RGS6: variants seen among roughly 807,000 people sequenced by gnomAD.
The protein encoded by RGS6 is regulator of G-protein signaling 6.
A neutral mutation model predicts 78.5 loss-of-function variants in RGS6; 30 were observed. That is an observed-to-expected ratio of 0.38 (90% CI 0.29 to 0.52). RGS6 has a LOEUF of 0.52. Among genes scored for constraint, RGS6 ranks in the 20% least tolerant of loss-of-function variants. The probability of loss-of-function intolerance (pLI) is 0.85; values close to 1 mark genes in which losing one functional copy is unlikely to be tolerated. For missense variants in RGS6, 495 were observed against 609.7 expected (o/e 0.81, Z 1.98); for synonymous variants, 206 against 206.0 (o/e 1.00, Z 0.00).
At chr14:72,147,936 C>T (rs2096628697) in intron 2 of RGS6, among the ~76,000 whole-genome samples, 1 of 152,040 alleles carries the variant, frequency 6.6e-6, no homozygotes, top group South Asian at 2.1e-4. Context: ...TTGAGACCAT[C>T]CTGGCTAACA....
intron 3 of RGS6, among the ~76,000 whole-genome samples, chr14:72,419,414 G>T (rs1489705426): frequency 6.6e-6 from 1 of 152,224 alleles, no homozygotes; most frequent in Non-Finnish European, 1.5e-5. Context: ...GCAGAGCCAG[G>T]CTTTGAACTC....
At chr14:71,902,261 G>A in the RGS6 span, among the ~76,000 whole-genome samples, 1 of 151,986 alleles carries the variant, frequency 6.6e-6, no homozygotes, top group Non-Finnish European at 1.5e-5. Flanking sequence ...TGATAATCTG[G>A]GAAAACATGA....
intron 2 of RGS6, among the ~76,000 whole-genome samples, chr14:72,336,386 A>G (rs2076030991): frequency 6.6e-6 from 1 of 152,198 alleles, no homozygotes; most frequent in South Asian, 2.1e-4. Context: ...GGCTTTCAGA[A>G]AGCTAAGCTT....
chr14:72,573,591 G>C, the RGS6 span, among the ~76,000 whole-genome samples: 97 of 152,294 alleles, frequency 6.4e-4, 2 homozygotes, highest in South Asian at 0.02. Context: ...TGGGAAGGGG[G>C]TCAAATTGAA....
At chr14:72,490,478 G>T (rs984552112) in intron 12 of RGS6, among the ~76,000 whole-genome samples, 8 of 152,228 alleles carry the variant, frequency 5.3e-5, no homozygotes, top group Admixed American at 5.2e-4. Context: ...CCTTGCAGGA[G>T]ATTTATAGGA....
intron 1 of RGS6, among the ~76,000 whole-genome samples, chr14:71,943,194 T>G (rs2090921154): frequency 6.6e-6 from 1 of 152,184 alleles, no homozygotes; most frequent in South Asian, 2.1e-4. Context: ...TATTATTTGT[T>G]CTTAAAGGAG....
At chr14:72,483,477 C>T (rs907242788) in intron 12 of RGS6, among the ~76,000 whole-genome samples, 34 of 152,162 alleles carry the variant, frequency 2.2e-4, no homozygotes, top group African/African-American at 8.0e-4. Flanking sequence ...ACCTCCTGAC[C>T]CTCAGTGATC....
chr14:72,043,825 A>G (rs1047445323), intron 2 of RGS6, among the ~76,000 whole-genome samples: 1 of 152,076 alleles, frequency 6.6e-6, no homozygotes. Flanking sequence ...CTTTTGCTTC[A>G]TTCTTTCTTC....
chr14:72,079,451 G>A lies in RGS6; in HGVS notation c.84+114576G>A, dbSNP rs558932093. Reference sequence around the variant, plus strand: ...TTGTATATATTTATGTATACAACATGATGCTTTGATATATGTAGGCATTGT... The same window carrying A: ...TTGTATATATTTATGTATACAACATAATGCTTTGATATATGTAGGCATTGT... On this transcript the variant is annotated intron_variant, in intron 2 of 17. Coordinates refer to ENST00000553525, the MANE Select transcript of RGS6 (RefSeq NM_001204424.2). Among the ~76,000 whole-genome samples, 163 of 152,116 alleles carry A rather than the reference G, an allele frequency of 1.1e-3. 1 individual carries two copies. Among genetic ancestry groups the A allele is most frequent in the African/African-American group, 3.8e-3 (156 of 41,496 alleles).
At chr14:72,343,764 A>C (rs1456929972) in intron 2 of RGS6, among the ~76,000 whole-genome samples, 4 of 152,190 alleles carry the variant, frequency 2.6e-5, no homozygotes, top group Non-Finnish European at 5.9e-5. Context: ...TTTATCCAGC[A>C]GTCTCACTTG....
the RGS6 span, among the ~76,000 whole-genome samples, chr14:71,869,191 A>G: frequency 2.0e-5 from 3 of 152,198 alleles, no homozygotes; most frequent in African/African-American, 7.2e-5. Flanking sequence ...TTGCATTTTC[A>G]AAGTATTGCA....
At chr14:72,213,504 A>G (rs1165561637) in intron 2 of RGS6, among the ~76,000 whole-genome samples, 6 of 152,126 alleles carry the variant, frequency 3.9e-5, no homozygotes, top group Non-Finnish European at 7.4e-5. Context: ...TACTAATTTG[A>G]TTTGACCGCT....
intron 7 of RGS6, among the ~76,000 whole-genome samples, chr14:72,467,318 T>A (rs1338535112): frequency 6.6e-6 from 1 of 152,052 alleles, no homozygotes; most frequent in East Asian, 1.9e-4. Context: ...AGGGGCAACA[T>A]TAAGGGGAGC....
At chr14:72,296,020 A>G (rs79649537) in intron 2 of RGS6, among the ~76,000 whole-genome samples, 2,207 of 152,320 alleles carry the variant, frequency 0.014, 44 homozygotes, top group African/African-American at 0.049. Context: ...CCCCTTCCCA[A>G]TAAATCTTTC....
At chr14:72,323,358 T>C (rs917917332) in intron 2 of RGS6, among the ~76,000 whole-genome samples, 1 of 151,822 alleles carries the variant, frequency 6.6e-6, no homozygotes, top group South Asian at 2.1e-4. Context: ...GAAAAATGAC[T>C]TAAACAAATG....
intron 2 of RGS6, among the ~76,000 whole-genome samples, chr14:72,263,510 ATG>A (rs2058531402): frequency 3.8e-5 from 1 of 26,528 alleles, no homozygotes; most frequent in East Asian, 1.3e-3. Flanking sequence ...TGTGGTCTAA[ATG>A]TATGTGTCCC....
chr14:71,939,444 G>A (rs2090132900), intron 1 of RGS6, among the ~76,000 whole-genome samples: 1 of 152,166 alleles, frequency 6.6e-6, no homozygotes, highest in Non-Finnish European at 1.5e-5. Context: ...TCTTGTGGAA[G>A]CAAAAAGTGA....
intron 3 of RGS6, among the ~76,000 whole-genome samples, chr14:72,364,950 T>A (rs562708965): frequency 6.6e-6 from 1 of 152,298 alleles, no homozygotes; most frequent in African/African-American, 2.4e-5. Flanking sequence ...CAGAGAATAA[T>A]GTTGATAAAA....
chr14:72,243,784 G>C (rs2053525718), intron 2 of RGS6, among the ~76,000 whole-genome samples: 1 of 148,574 alleles, frequency 6.7e-6, no homozygotes, highest in African/African-American at 2.5e-5. Context: ...TTATAACCCT[G>C]TATCTGTTGT....
Sources: gnomAD v4.1 joint callset for allele counts (sites outside exome capture counted in the v4.1 genomes callset) on GRCh38, gnomAD v4.1.1 for gene constraint, MANE v1.5 for transcripts, NCBI Gene and HGNC (gene_info 2026-07-23, HGNC 2026-07-21) for gene names.